Variants in LRRTM4 observed in about 807,000 individuals in gnomAD.
LRRTM4 encodes the protein leucine rich repeat transmembrane neuronal 4.
A neutral mutation model predicts 47.6 loss-of-function variants in LRRTM4; 25 were observed. That is an observed-to-expected ratio of 0.53 (90% CI 0.38 to 0.73). The LOEUF (loss-of-function observed/expected upper bound fraction) is 0.73. Among genes scored for constraint, LRRTM4 ranks in the 30% least tolerant of loss-of-function variants. The pLI is 0.00. For synonymous variants in LRRTM4, 311 were observed against 269.5 expected (o/e 1.15, Z -1.51); for missense variants, 638 against 713.4 (o/e 0.89, Z 1.20).
chr2:76,758,701 T>G (rs572688559), intron 3 of LRRTM4, among the ~76,000 whole-genome samples: 1 of 152,174 alleles, frequency 6.6e-6, no homozygotes, highest in Non-Finnish European at 1.5e-5. Context: ...ATAGAGTGTA[T>G]GCTATTAAGG....
intron 3 of LRRTM4, among the ~76,000 whole-genome samples, chr2:76,865,334 T>C (rs892519668): frequency 1.3e-5 from 2 of 152,120 alleles, no homozygotes; most frequent in Non-Finnish European, 2.9e-5. Flanking sequence ...GTTTGGATGC[T>C]CTCAGGTAGT....
chr2:77,500,658 A>G (rs1004738747), intron 3 of LRRTM4, among the ~76,000 whole-genome samples: 4 of 151,662 alleles, frequency 2.6e-5, no homozygotes, highest in African/African-American at 4.8e-5. Flanking sequence ...TCATATCTCA[A>G]AATGAAAGAT....
intron 3 of LRRTM4, among the ~76,000 whole-genome samples, chr2:77,420,605 T>A (rs13404665): frequency 2.0e-5 from 3 of 150,718 alleles, no homozygotes; most frequent in Non-Finnish European, 2.9e-5. Flanking sequence ...AATGGAAATA[T>A]GACTTCGTAG....
chr2:76,791,888 T>A (rs1674995051), intron 3 of LRRTM4, among the ~76,000 whole-genome samples: 1 of 152,072 alleles, frequency 6.6e-6, no homozygotes, highest in Non-Finnish European at 1.5e-5. Context: ...CCCAGAGAAT[T>A]TTTGAGGAAA....
intron 3 of LRRTM4, among the ~76,000 whole-genome samples, chr2:77,014,486 A>C (rs1395245573): frequency 6.8e-6 from 1 of 146,278 alleles, no homozygotes; most frequent in African/African-American, 2.5e-5. Flanking sequence ...ATTGCAGAAG[A>C]AGCATTTGTG....
At position 77,098,791 on chromosome 2, in the gene LRRTM4, G is replaced by T. The variant is rs377004034; in HGVS notation, c.1552-349875C>A. Among the ~76,000 whole-genome samples the T allele has an allele frequency of 3.3e-5, 5 of 151,468 alleles. No homozygotes were observed. The South Asian group carries it at 1.0e-3, about 31-fold the overall frequency. On this transcript the variant is annotated intron_variant, in intron 3 of 3. Coordinates refer to ENST00000409884, the MANE Select transcript of LRRTM4 (RefSeq NM_001134745.3). ...ATATGTCAAGACTACAAATCAATAAGATAAAGACAAATCAATGAGAAATTA... is the reference window on the plus strand; with the variant it reads ...ATATGTCAAGACTACAAATCAATAATATAAAGACAAATCAATGAGAAATTA...
intron 3 of LRRTM4, among the ~76,000 whole-genome samples, chr2:77,337,369 ATAT>A (rs1405319981): frequency 6.6e-6 from 1 of 152,084 alleles, no homozygotes; most frequent in East Asian, 1.9e-4. Context: ...TAGAATAAAA[ATAT>A]TATTCTACAA....
At chr2:77,494,094 A>G (rs1678269185) in intron 3 of LRRTM4, among the ~76,000 whole-genome samples, 1 of 152,158 alleles carries the variant, frequency 6.6e-6, no homozygotes, top group South Asian at 2.1e-4. Context: ...TAAAATTTAT[A>G]TTTATTATAA....
intron 3 of LRRTM4, among the ~76,000 whole-genome samples, chr2:77,025,139 C>T (rs977225061): frequency 5.3e-5 from 8 of 151,972 alleles, no homozygotes; most frequent in Non-Finnish European, 1.0e-4. Context: ...TAATAGGATC[C>T]GTAATACTTT....
At chr2:77,310,892 GGT>G (rs1253760214) in intron 3 of LRRTM4, among the ~76,000 whole-genome samples, 3 of 151,454 alleles carry the variant, frequency 2.0e-5, no homozygotes, top group Middle Eastern at 3.4e-3. Flanking sequence ...TTGTGAGTGT[GGT>G]GTGTGTGTGT....
chr2:76,969,739 C>A (rs1437957237), intron 3 of LRRTM4, among the ~76,000 whole-genome samples: 1 of 151,888 alleles, frequency 6.6e-6, no homozygotes, highest in East Asian at 1.9e-4. Flanking sequence ...TTGCTTAATT[C>A]TCAAAATATA....
chr2:77,402,698 A>G (rs1674007869), intron 3 of LRRTM4, among the ~76,000 whole-genome samples: 3 of 151,890 alleles, frequency 2.0e-5, no homozygotes, highest in Admixed American at 2.0e-4. Context: ...CTGTTTTCAC[A>G]TATATTCACA....
At chr2:76,838,578 A>C (rs949808559) in intron 3 of LRRTM4, among the ~76,000 whole-genome samples, 10 of 152,064 alleles carry the variant, frequency 6.6e-5, no homozygotes, top group African/African-American at 2.4e-4. Flanking sequence ...TCCCACCTCT[A>C]TTTAATACAT....
At chr2:76,947,239 A>T (rs1376265337) in intron 3 of LRRTM4, among the ~76,000 whole-genome samples, 1 of 151,426 alleles carries the variant, frequency 6.6e-6, no homozygotes, top group African/African-American at 2.4e-5. Context: ...TGATCCTGAG[A>T]CTACACTGAT....
intron 3 of LRRTM4, among the ~76,000 whole-genome samples, chr2:77,385,712 TATATA>T (rs1418715814): frequency 6.7e-6 from 1 of 149,290 alleles, no homozygotes; most frequent in Non-Finnish European, 1.5e-5. Flanking sequence ...AAAATAAAAA[TATATA>T]ATATATTTAT....
chr2:77,040,431 T>C (rs994212459), intron 3 of LRRTM4, among the ~76,000 whole-genome samples: 5 of 151,076 alleles, frequency 3.3e-5, no homozygotes, highest in East Asian at 1.9e-4. Context: ...CTGAAAGAGA[T>C]TGTCAAATTG....
At chr2:77,298,176 A>T (rs1266791388) in intron 3 of LRRTM4, among the ~76,000 whole-genome samples, 1 of 152,222 alleles carries the variant, frequency 6.6e-6, no homozygotes, top group Non-Finnish European at 1.5e-5. Flanking sequence ...AATACATTCT[A>T]ATAAAGTCAG....
intron 3 of LRRTM4, among the ~76,000 whole-genome samples, chr2:77,055,538 C>A (rs1573508506): frequency 6.6e-6 from 1 of 152,308 alleles, no homozygotes; most frequent in East Asian, 1.9e-4. Flanking sequence ...AGTCAGTAAA[C>A]AACAGGTGCT....
At chr2:76,810,245 C>G (rs1670693481) in intron 3 of LRRTM4, among the ~76,000 whole-genome samples, 1 of 152,018 alleles carries the variant, frequency 6.6e-6, no homozygotes. Context: ...AGTGACAATT[C>G]CAATTCTTGA....
Sources: allele counts gnomAD v4.1 joint callset (sites outside exome capture counted in the v4.1 genomes callset), GRCh38; gene constraint gnomAD v4.1.1; transcripts MANE v1.5; gene names NCBI Gene and HGNC (gene_info 2026-07-23, HGNC 2026-07-21).